TMEM163: variants seen among roughly 807,000 people sequenced by gnomAD.
TMEM163 encodes transmembrane protein 163.
TMEM163 carries 17 observed loss-of-function variants against 29.3 expected under a neutral mutation model. The ratio of observed to expected loss-of-function variants is 0.58; its 90% CI spans 0.40 to 0.87. The LOEUF (loss-of-function observed/expected upper bound fraction) is 0.87, where lower values mean the gene tolerates loss of function less well. TMEM163 is among the 40% of genes least tolerant of loss of function. TMEM163 has a pLI of 0.00. For synonymous variants in TMEM163, 157 were observed against 160.6 expected (o/e 0.98, Z 0.17); for missense variants, 303 against 381.5 (o/e 0.79, Z 1.71).
At chr2:134,549,895 C>T (rs1451690929) in intron 4 of TMEM163, among the ~76,000 whole-genome samples, 3 of 151,924 alleles carry the variant, frequency 2.0e-5, no homozygotes, top group Admixed American at 2.0e-4. Context: ...TTGCAATCAT[C>T]CTACGAAAGA....
At chr2:134,624,368 A>C (rs1291861942) in intron 2 of TMEM163, among the ~76,000 whole-genome samples, 1 of 152,184 alleles carries the variant, frequency 6.6e-6, no homozygotes, top group Non-Finnish European at 1.5e-5. Context: ...AAGGGACAGA[A>C]AACCAGATAC....
chr2:134,470,618 G>A (rs1357028084), intron 5 of TMEM163, among the ~76,000 whole-genome samples: 2 of 152,188 alleles, frequency 1.3e-5, no homozygotes, highest in East Asian at 1.9e-4. Flanking sequence ...GCTGCAGGCT[G>A]CAGCTCACCA....
intron 2 of TMEM163, among the ~76,000 whole-genome samples, chr2:134,645,198 A>T (rs1217801700): frequency 6.6e-6 from 1 of 152,250 alleles, no homozygotes; most frequent in Non-Finnish European, 1.5e-5. Flanking sequence ...CTTGAAAAAC[A>T]GTTTGACAAT....
At chr2:134,554,422 CAAAAAAAAAAA>C (rs941286100) in intron 2 of TMEM163, among the ~76,000 whole-genome samples, 12 of 21,146 alleles carry the variant, frequency 5.7e-4, no homozygotes, top group Admixed American at 4.0e-3. Flanking sequence ...GACCCCATCT[CAAAAAAAAAAA>C]AAAAAAAAAA....
At chr2:134,705,342 T>C (rs1684786285) in intron 2 of TMEM163, among the ~76,000 whole-genome samples, 1 of 152,182 alleles carries the variant, frequency 6.6e-6, no homozygotes, top group Non-Finnish European at 1.5e-5. Context: ...CTAATCCATA[T>C]GCCTGGTGTC....
intron 2 of TMEM163, among the ~76,000 whole-genome samples, chr2:134,707,943 C>T (rs1684854585): frequency 6.8e-6 from 1 of 147,642 alleles, no homozygotes; most frequent in South Asian, 2.1e-4. Flanking sequence ...GGCTGGAGTG[C>T]AATGGTGCGA....
At chr2:134,561,227 G>A (rs762893284) in intron 2 of TMEM163, among the ~76,000 whole-genome samples, 2 of 152,170 alleles carry the variant, frequency 1.3e-5, no homozygotes, top group East Asian at 1.9e-4. Flanking sequence ...TTGTTGAGAC[G>A]GAGTCTCGCT....
chr2:134,470,375 TTCATACGGATGTG>T (rs1686772525), intron 5 of TMEM163, among the ~76,000 whole-genome samples: 1 of 146,518 alleles, frequency 6.8e-6, no homozygotes, highest in Non-Finnish European at 1.5e-5. Flanking sequence ...AAAAAAAAAC[TTCATACGGATGTG>T]TCATGGGGTC....
chr2:134,620,153 A>G (rs555311528), intron 2 of TMEM163, among the ~76,000 whole-genome samples: 72 of 152,330 alleles, frequency 4.7e-4, no homozygotes, highest in African/African-American at 1.7e-3. Flanking sequence ...ATAGAAACTG[A>G]CAGGCTGATC....
intron 2 of TMEM163, among the ~76,000 whole-genome samples, chr2:134,711,176 G>A (rs574231218): frequency 1.1e-4 from 17 of 152,062 alleles, no homozygotes; most frequent in East Asian, 9.6e-4. Flanking sequence ...AAAGTCTGGC[G>A]CCATATAAAT....
intron 2 of TMEM163, among the ~76,000 whole-genome samples, chr2:134,605,195 A>AT (rs1682325869): frequency 6.6e-6 from 1 of 151,862 alleles, no homozygotes; most frequent in Admixed American, 6.6e-5. Flanking sequence ...AAAAAAAAAA[A>AT]ACCACAATCT....
At chr2:134,574,283 T>C (rs76790743) in intron 2 of TMEM163, among the ~76,000 whole-genome samples, 3,171 of 152,274 alleles carry the variant, frequency 0.021, 125 homozygotes, top group African/African-American at 0.071. Context: ...GACACAGCCA[T>C]GTACAATGGC....
chr2:134,589,029 T>C (rs980434066), intron 2 of TMEM163, among the ~76,000 whole-genome samples: 9 of 151,928 alleles, frequency 5.9e-5, no homozygotes, highest in African/African-American at 1.5e-4. Context: ...CAAAGATAAA[T>C]AGGAAGAGAC....
chr2:134,552,656 C>CTTTTT (rs35785546), intron 2 of TMEM163, among the ~76,000 whole-genome samples: 31 of 113,522 alleles, frequency 2.7e-4, no homozygotes, highest in African/African-American at 7.4e-4. Context: ...TATTTTGATC[C>CTTTTT]TTTTTTTTTT....
chr2:134,596,821 T>A (rs2104806664), intron 2 of TMEM163, among the ~76,000 whole-genome samples: 1 of 152,298 alleles, frequency 6.6e-6, no homozygotes, highest in Non-Finnish European at 1.5e-5. Flanking sequence ...CTTGAAGAGG[T>A]CCTTCACATC....
chr2:134,564,295 C>A (rs1681245238), intron 2 of TMEM163, among the ~76,000 whole-genome samples: 1 of 152,120 alleles, frequency 6.6e-6, no homozygotes, highest in Non-Finnish European at 1.5e-5. Flanking sequence ...AAAGAAAGTT[C>A]TTTTCAATAA....
chr2:134,595,296 G>A (rs1187015103), intron 2 of TMEM163, among the ~76,000 whole-genome samples: 1 of 151,880 alleles, frequency 6.6e-6, no homozygotes, highest in Non-Finnish European at 1.5e-5. Context: ...CCTGGTGTGT[G>A]ATGTTCCCCT....
chr2:134,670,385 C>T (rs1574326707), intron 2 of TMEM163, among the ~76,000 whole-genome samples: 1 of 152,306 alleles, frequency 6.6e-6, no homozygotes, highest in South Asian at 2.1e-4. Context: ...AGTGCATGGC[C>T]TCCTGTGCTT....
At chr2:134,674,785 G>A (rs572174355) in intron 2 of TMEM163, among the ~76,000 whole-genome samples, 7 of 152,224 alleles carry the variant, frequency 4.6e-5, no homozygotes, top group South Asian at 2.1e-4. Context: ...ACAATCTTGC[G>A]CAAAGGCCCT....
Sources: allele counts gnomAD v4.1 joint callset (sites outside exome capture counted in the v4.1 genomes callset), GRCh38; gene constraint gnomAD v4.1.1; transcripts MANE v1.5; gene names NCBI Gene and HGNC (gene_info 2026-07-23, HGNC 2026-07-21).